ZNF804B: variants seen among roughly 807,000 people sequenced by gnomAD.
ZNF804B encodes zinc finger protein 804B, also known as zinc finger 804B.
Under a neutral mutation model 101.4 loss-of-function variants are expected in ZNF804B, and 80 were observed. The observed-to-expected ratio is 0.79, with a 90% CI of 0.66 to 0.95. ZNF804B has a LOEUF of 0.95. Ranked by LOEUF, ZNF804B falls within the 40% of genes least tolerant of loss-of-function variation. The pLI, the probability that ZNF804B is intolerant of heterozygous loss-of-function variation, is 0.00. For synonymous variants in ZNF804B, 622 were observed against 558.8 expected (o/e 1.11, Z -1.59); for missense variants, 1,673 against 1,561.9 (o/e 1.07, Z -1.20).
At position 88,904,658 on chromosome 7, in the gene ZNF804B, T is replaced by A. The variant is rs568346881; in HGVS notation, c.108+144574T>A. On this transcript the variant is annotated intron_variant, in intron 1 of 3. Transcript: ENST00000333190. Reference sequence around the variant, plus strand: ...TCTTTTGTAGTCCCTTTGTAGAGAATTTTCATCTCTTTGGTTAGCTGTATT... The same window carrying A: ...TCTTTTGTAGTCCCTTTGTAGAGAAATTTCATCTCTTTGGTTAGCTGTATT... 1.1e-4 allele frequency among the ~76,000 whole-genome samples: 16 copies of A among 152,220 alleles called. No individual in the cohort carries two copies. The South Asian group carries it at 1.5e-3, about 14-fold the overall frequency.
chr7:88,935,876 T>G (rs1792960984), intron 1 of ZNF804B, among the ~76,000 whole-genome samples: 1 of 151,854 alleles, frequency 6.6e-6, no homozygotes, highest in Admixed American at 6.6e-5. Flanking sequence ...TCTGCTTCTT[T>G]TCTTGTTTCC....
At chr7:89,282,078 G>C (rs1490848605) in intron 2 of ZNF804B, among the ~76,000 whole-genome samples, 4 of 151,832 alleles carry the variant, frequency 2.6e-5, no homozygotes, top group African/African-American at 9.7e-5. Flanking sequence ...GCGGGCGCCT[G>C]TAGTCCCAGC....
intron 1 of ZNF804B, among the ~76,000 whole-genome samples, chr7:88,832,145 A>G (rs1791143216): frequency 6.7e-6 from 1 of 150,198 alleles, no homozygotes; most frequent in African/African-American, 2.5e-5. Flanking sequence ...ATGGTGATGC[A>G]TTTCCACAGG....
rs553127978 is a variant in ZNF804B, at chr7:88,860,767, A to G, written c.108+100683A>G. ...TAGGCACTACATTAACCAATGTGAG[A>G]TATAAAGGAATATGAATAATTAATT... On this transcript the variant is annotated intron_variant, in intron 1 of 3. Coordinates refer to ENST00000333190, the MANE Select transcript of ZNF804B (RefSeq NM_181646.5). Among the ~76,000 whole-genome samples, 11 of 152,294 alleles carry G rather than the reference A, an allele frequency of 7.2e-5. 1 individual carries two copies. The highest frequency in any genetic ancestry group is 6.2e-4 in the South Asian group (3 of 4,832).
intron 1 of ZNF804B, among the ~76,000 whole-genome samples, chr7:89,000,454 T>G (rs1484277002): frequency 6.6e-6 from 1 of 152,110 alleles, no homozygotes; most frequent in East Asian, 1.9e-4. Context: ...TCCCAAATTT[T>G]GATATAGTTG....
intron 1 of ZNF804B, among the ~76,000 whole-genome samples, chr7:88,929,200 C>G (rs1280787467): frequency 1.3e-5 from 2 of 151,838 alleles, no homozygotes; most frequent in East Asian, 3.9e-4. Context: ...AACTCCCAAG[C>G]CTCCTAATTA....
chr7:89,168,325 T>TATATATATATCTATATATGTAG (rs1281540176), intron 1 of ZNF804B, among the ~76,000 whole-genome samples: 1 of 54,518 alleles, frequency 1.8e-5, no homozygotes, highest in Admixed American at 1.5e-4. Flanking sequence ...TGTGTGTGTA[T>TATATATATATCTATATATGTAG]ATATATATAT....
intron 1 of ZNF804B, among the ~76,000 whole-genome samples, chr7:88,944,921 A>T (rs1793105218): frequency 6.6e-6 from 1 of 151,498 alleles, no homozygotes; most frequent in Non-Finnish European, 1.5e-5. Context: ...TGTATATATA[A>T]AACATAAAAG....
chr7:88,824,034 T>C (rs910298654), intron 1 of ZNF804B, among the ~76,000 whole-genome samples: 1 of 152,152 alleles, frequency 6.6e-6, no homozygotes, highest in Non-Finnish European at 1.5e-5. Context: ...TGACTTCACA[T>C]GTACAATAGC....
Position 89,335,051 on chromosome 7 carries a change from G to A in ZNF804B, c.2069G>A (p.Gly690Glu). The A allele has an allele frequency of 6.2e-7, 1 of 1,613,814 alleles. No individual in the cohort carries two copies. The highest frequency in any genetic ancestry group is 8.5e-7 in the Non-Finnish European group (1 of 1,179,922). The change falls in exon 4 of 4, where the codon GGA becomes GAA. Residue 690 changes from glycine (G) to glutamate (E), a missense_variant. Gly to Glu is a moderately conservative substitution (Grantham distance 98). Transcript: ENST00000333190. ...NHISMTSKVS[G>E]CGNQRYKRYS... ...ATCAGCATGACCAGCAAGGTTTCCG[G>A]ATGTGGAAACCAAAGATACAAGAGA...
At chr7:89,191,943 A>C (rs1285547730) in intron 1 of ZNF804B, among the ~76,000 whole-genome samples, 2 of 152,144 alleles carry the variant, frequency 1.3e-5, no homozygotes, top group African/African-American at 2.4e-5. Flanking sequence ...AAAAACTATG[A>C]ATATAATTTT....
chr7:89,010,032 T>C (rs1788431680), intron 1 of ZNF804B, among the ~76,000 whole-genome samples: 1 of 152,170 alleles, frequency 6.6e-6, no homozygotes, highest in Non-Finnish European at 1.5e-5. Flanking sequence ...TTTACTATTT[T>C]TTATATCTAT....
At chr7:89,067,549 A>T (rs905701077) in intron 1 of ZNF804B, among the ~76,000 whole-genome samples, 1 of 152,088 alleles carries the variant, frequency 6.6e-6, no homozygotes, top group Admixed American at 6.6e-5. Context: ...CACAGCAAAC[A>T]CCCATGCCAA....
chr7:88,914,561 ATAG>A lies in ZNF804B; in HGVS notation c.108+154481_108+154483del, dbSNP rs1197311735. The stretch of plus-strand genomic sequence containing the variant: ...GCCTGCTGAACCACTAACATAGTAA[ATAG>A]TAGAATCCTGCTCTCAAATAATGGC... On this transcript the variant is annotated intron_variant, in intron 1 of 3. Coordinates refer to ENST00000333190, the MANE Select transcript of ZNF804B (RefSeq NM_181646.5). Among the ~76,000 whole-genome samples the A allele has an allele frequency of 4.6e-5, 7 of 152,304 alleles. No homozygotes were observed. The East Asian group carries it at 7.7e-4, about 17-fold the overall frequency.
intron 1 of ZNF804B, among the ~76,000 whole-genome samples, chr7:88,963,532 G>A (rs1381063396): frequency 6.6e-6 from 1 of 151,200 alleles, no homozygotes; most frequent in Non-Finnish European, 1.5e-5. Context: ...AAATTGACTC[G>A]AATGAAAAAT....
At chr7:89,107,622 A>G (rs1790154884) in intron 1 of ZNF804B, among the ~76,000 whole-genome samples, 2 of 152,124 alleles carry the variant, frequency 1.3e-5, no homozygotes, top group Admixed American at 6.6e-5. Context: ...TTCCTGTCAA[A>G]CAAGATATTT....
intron 1 of ZNF804B, among the ~76,000 whole-genome samples, chr7:88,783,138 T>TA (rs1249605681): frequency 6.6e-6 from 1 of 152,124 alleles, no homozygotes; most frequent in Non-Finnish European, 1.5e-5. Flanking sequence ...CTTTGTCTCT[T>TA]ACAGTTTATT....
chr7:89,225,072 C>T (rs78224004), intron 2 of ZNF804B, among the ~76,000 whole-genome samples: 1,734 of 152,154 alleles, frequency 0.011, 34 homozygotes, highest in African/African-American at 0.04. Context: ...TCAGTGTTCT[C>T]GTTCTCTTCA....
At chr7:89,331,089 C>T (rs1455559307) in intron 3 of ZNF804B, among the ~76,000 whole-genome samples, 1 of 151,556 alleles carries the variant, frequency 6.6e-6, no homozygotes, top group African/African-American at 2.4e-5. Flanking sequence ...TATCCATACA[C>T]TAGACTTGTG....
Sources: allele counts gnomAD v4.1 joint callset (sites outside exome capture counted in the v4.1 genomes callset), GRCh38; gene constraint gnomAD v4.1.1; transcripts MANE v1.5; gene names NCBI Gene and HGNC (gene_info 2026-07-23, HGNC 2026-07-21).